CSMD3: variants seen among roughly 807,000 people sequenced by gnomAD.
CSMD3 encodes CUB and Sushi multiple domains 3.
CSMD3 carries 177 observed loss-of-function variants against 435.2 expected under a neutral mutation model. That is an observed-to-expected ratio of 0.41 (90% CI 0.36 to 0.46). The LOEUF (loss-of-function observed/expected upper bound fraction) is 0.46. Among genes scored for constraint, CSMD3 ranks in the 20% least tolerant of loss-of-function variants. The pLI is 0.34. For synonymous variants in CSMD3, 1,656 were observed against 1,520.5 expected (o/e 1.09, Z -2.07); for missense variants, 4,265 against 4,504.6 (o/e 0.95, Z 1.52).
chr8:112,263,245 C>G (rs959560629), intron 61 of CSMD3, among the ~76,000 whole-genome samples: 8 of 151,562 alleles, frequency 5.3e-5, no homozygotes, highest in African/African-American at 1.9e-4. Context: ...TGACAAATGC[C>G]ATCATAAGAA....
intron 59 of CSMD3, among the ~76,000 whole-genome samples, chr8:112,267,606 G>A (rs4143627): frequency 0.67 from 101,433 of 151,946 alleles, 35,668 homozygotes; most frequent in African/African-American, 0.89. Context: ...AAGTGTTGTT[G>A]TTTTCTGGGC....
At chr8:112,759,772 A>G (rs2077792549) in intron 13 of CSMD3, among the ~76,000 whole-genome samples, 1 of 152,020 alleles carries the variant, frequency 6.6e-6, no homozygotes, top group Admixed American at 6.6e-5. Context: ...TTTGCTATTC[A>G]CTGTAATTTT....
At chr8:113,046,271 G>T (rs1236420813) in intron 5 of CSMD3, among the ~76,000 whole-genome samples, 1 of 148,638 alleles carries the variant, frequency 6.7e-6, no homozygotes, top group Non-Finnish European at 1.5e-5. Context: ...ACAGCCACGG[G>T]GAAAGGAAAA....
At chr8:113,036,820 G>T (rs1420052220) in intron 5 of CSMD3, among the ~76,000 whole-genome samples, 1 of 152,050 alleles carries the variant, frequency 6.6e-6, no homozygotes, top group East Asian at 1.9e-4. Context: ...TATTAATCCT[G>T]ATTTATGGAG....
At chr8:113,374,505 T>C (rs2133068171) in intron 1 of CSMD3, among the ~76,000 whole-genome samples, 1 of 152,216 alleles carries the variant, frequency 6.6e-6, no homozygotes, top group Non-Finnish European at 1.5e-5. Context: ...TCCTCATCTG[T>C]CACCCTACTT....
At chr8:112,553,452 C>A (rs1417614998) in intron 25 of CSMD3, among the ~76,000 whole-genome samples, 1 of 151,990 alleles carries the variant, frequency 6.6e-6, no homozygotes, top group African/African-American at 2.4e-5. Flanking sequence ...AGTCTCTGTA[C>A]TGGAAAAGAG....
intron 32 of CSMD3, among the ~76,000 whole-genome samples, chr8:112,431,513 A>T (rs1813708738): frequency 6.6e-6 from 1 of 152,106 alleles, no homozygotes; most frequent in East Asian, 1.9e-4. Context: ...GAAAAGGGCA[A>T]TAGGAAAAAT....
chr8:112,653,453 T>C (rs2075180007), intron 18 of CSMD3, among the ~76,000 whole-genome samples: 1 of 152,150 alleles, frequency 6.6e-6, no homozygotes, highest in Non-Finnish European at 1.5e-5. Context: ...TATACGTTTG[T>C]TCTGTATCCA....
chr8:112,760,228 C>T (rs2077804888), intron 13 of CSMD3, among the ~76,000 whole-genome samples: 1 of 152,088 alleles, frequency 6.6e-6, no homozygotes, highest in South Asian at 2.1e-4. Context: ...TTTTATTTAG[C>T]AAAGTGAGAT....
At chr8:112,887,020 C>A (rs1046324761) in intron 10 of CSMD3, among the ~76,000 whole-genome samples, 29 of 151,408 alleles carry the variant, frequency 1.9e-4, no homozygotes, top group African/African-American at 6.5e-4. Flanking sequence ...CAAATCTTGG[C>A]TCTACTTTCA....
intron 4 of CSMD3, among the ~76,000 whole-genome samples, chr8:113,121,101 A>T (rs190214200): frequency 2.8e-4 from 43 of 152,126 alleles, no homozygotes; most frequent in African/African-American, 1.0e-3. Context: ...TTTGTGCCTT[A>T]TGTTTCCAAA....
intron 10 of CSMD3, among the ~76,000 whole-genome samples, chr8:112,895,773 C>T (rs1182929184): frequency 2.6e-5 from 4 of 151,292 alleles, no homozygotes. Flanking sequence ...CAACAAGCAG[C>T]TGGAGATACT....
At chr8:112,971,371 A>G (rs569079519) in intron 7 of CSMD3, among the ~76,000 whole-genome samples, 2 of 152,150 alleles carry the variant, frequency 1.3e-5, no homozygotes, top group Non-Finnish European at 2.9e-5. Context: ...ATTGCTCAAG[A>G]TCATAAAGCT....
At chr8:112,326,883 G>A (rs577884518) in intron 45 of CSMD3, among the ~76,000 whole-genome samples, 2 of 152,066 alleles carry the variant, frequency 1.3e-5, no homozygotes, top group Non-Finnish European at 2.9e-5. Flanking sequence ...TTAGACAGGT[G>A]TGGCGGTGCA....
intron 59 of CSMD3, among the ~76,000 whole-genome samples, chr8:112,279,013 AAACAACAAC>A (rs200149218): frequency 0.022 from 2,594 of 119,196 alleles, 34 homozygotes; most frequent in African/African-American, 0.038. Flanking sequence ...CACCCCCAAA[AAACAACAAC>A]AACAACAACA....
In CSMD3 at chr8:112,666,132, A is replaced by G. The variant is rs2075518314; in HGVS notation, c.2816+145T>C. The G allele has an allele frequency of 1.4e-5, 10 of 704,590 alleles. No homozygotes were observed. In the South Asian group the frequency reaches 1.7e-4, roughly 12 times the overall value. The allele number at this position is 704,590 out of a possible 1,614,324, so 43.6% of individuals were successfully genotyped here. On this transcript the variant is annotated intron_variant, in intron 17 of 70. Coordinates refer to ENST00000297405, the MANE Select transcript of CSMD3 (RefSeq NM_198123.2). ...CTTGGAAACACGCTGAAAGGTTAAA[A>G]GGGGGCAAACAGATGGAAGCATTCA...
intron 4 of CSMD3, among the ~76,000 whole-genome samples, chr8:113,138,870 T>C (rs2091481415): frequency 6.6e-6 from 1 of 150,844 alleles, no homozygotes; most frequent in African/African-American, 2.4e-5. Context: ...TATATCTGAA[T>C]ATATGTATAT....
At chr8:112,786,672 A>T (rs2078548327) in intron 13 of CSMD3, among the ~76,000 whole-genome samples, 1 of 152,130 alleles carries the variant, frequency 6.6e-6, no homozygotes, top group South Asian at 2.1e-4. Context: ...GGTGCTCAAC[A>T]TCATTGATTA....
intron 3 of CSMD3, among the ~76,000 whole-genome samples, chr8:113,268,026 AC>A (rs1477726450): frequency 6.6e-6 from 1 of 151,712 alleles, no homozygotes; most frequent in East Asian, 1.9e-4. Context: ...GAACTATATT[AC>A]CATATTTCCA....
Sources: gnomAD v4.1 joint callset for allele counts (sites outside exome capture counted in the v4.1 genomes callset) on GRCh38, gnomAD v4.1.1 for gene constraint, MANE v1.5 for transcripts, NCBI Gene and HGNC (gene_info 2026-07-23, HGNC 2026-07-21) for gene names.